Variants in NEGR1 observed in about 807,000 individuals in gnomAD.
The protein encoded by NEGR1 is neuronal growth regulator 1, also known as IgLON family member 4.
NEGR1 carries 10 observed loss-of-function variants against 40.9 expected under a neutral mutation model. The ratio of observed to expected loss-of-function variants is 0.24; its 90% CI spans 0.15 to 0.42. The LOEUF (loss-of-function observed/expected upper bound fraction) is 0.42. Among genes scored for constraint, NEGR1 ranks in the 10% least tolerant of loss-of-function variants. The probability of loss-of-function intolerance (pLI) is 1.00; values close to 1 mark genes in which losing one functional copy is unlikely to be tolerated. For missense variants in NEGR1, 352 were observed against 438.9 expected, an observed-to-expected ratio of 0.80 and a Z score of 1.77; for synonymous variants, 185 against 166.8, an observed-to-expected ratio of 1.11 and a Z score of -0.84.
intron 6 of NEGR1, among the ~76,000 whole-genome samples, chr1:71,459,047 T>A (rs947597798): frequency 3.3e-5 from 5 of 151,958 alleles, no homozygotes; most frequent in African/African-American, 9.7e-5. Flanking sequence ...ATAAATAAAA[T>A]AATAAAATAA....
At chr1:71,643,800 T>C (rs373030662) in intron 4 of NEGR1, among the ~76,000 whole-genome samples, 2 of 152,024 alleles carry the variant, frequency 1.3e-5, no homozygotes, top group Non-Finnish European at 2.9e-5. Flanking sequence ...CCTTCAAGAC[T>C]AGTATTTGAT....
chr1:71,950,367 A>C (rs1235998221), intron 1 of NEGR1, among the ~76,000 whole-genome samples: 3 of 152,068 alleles, frequency 2.0e-5, no homozygotes, highest in African/African-American at 4.8e-5. Context: ...TGGGAATTAT[A>C]AATTAGAGAA....
At chr1:72,033,933 A>G (rs1646880994) in intron 1 of NEGR1, among the ~76,000 whole-genome samples, 1 of 152,188 alleles carries the variant, frequency 6.6e-6, no homozygotes, top group Non-Finnish European at 1.5e-5. Flanking sequence ...TTACCCAGAA[A>G]CATTGGCCTG....
intron 3 of NEGR1, among the ~76,000 whole-genome samples, chr1:71,747,409 G>C (rs756350650): frequency 6.6e-5 from 10 of 151,446 alleles, no homozygotes; most frequent in Admixed American, 1.3e-4. Context: ...ATAGCCATGT[G>C]GTGAAAACTT....
chr1:72,008,095 T>C (rs1223703799), intron 1 of NEGR1, among the ~76,000 whole-genome samples: 1 of 152,146 alleles, frequency 6.6e-6, no homozygotes, highest in Non-Finnish European at 1.5e-5. Flanking sequence ...CAAGAACAAA[T>C]ATCACTTTTG....
intron 3 of NEGR1, among the ~76,000 whole-genome samples, chr1:71,756,320 A>G (rs981679681): frequency 6.6e-6 from 1 of 151,442 alleles, no homozygotes. Flanking sequence ...GGGCAACTGT[A>G]TACTGTGGAT....
intron 4 of NEGR1, among the ~76,000 whole-genome samples, chr1:71,671,386 G>C (rs904173081): frequency 6.6e-6 from 1 of 152,004 alleles, no homozygotes; most frequent in Non-Finnish European, 1.5e-5. Flanking sequence ...GTAAAATGAA[G>C]GAAACTGGCA....
intron 6 of NEGR1, among the ~76,000 whole-genome samples, chr1:71,429,695 C>T (rs1202635989): frequency 2.0e-5 from 3 of 152,156 alleles, no homozygotes; most frequent in Admixed American, 1.3e-4. Flanking sequence ...ACTATGGTTA[C>T]GGTTAAGAAG....
At chr1:72,255,890 G>A (rs776403769) in intron 1 of NEGR1, among the ~76,000 whole-genome samples, 1 of 152,154 alleles carries the variant, frequency 6.6e-6, no homozygotes, top group Non-Finnish European at 1.5e-5. Flanking sequence ...ACATGGAAAT[G>A]TAGAAAACAT....
intron 4 of NEGR1, among the ~76,000 whole-genome samples, chr1:71,671,627 G>A (rs2101600270): frequency 1.3e-5 from 2 of 152,140 alleles, no homozygotes; most frequent in Middle Eastern, 6.8e-3. Flanking sequence ...CTCCATCTTG[G>A]TCAGCCATCC....
At chr1:71,647,066 A>G (rs1178090052) in intron 4 of NEGR1, among the ~76,000 whole-genome samples, 3 of 151,850 alleles carry the variant, frequency 2.0e-5, no homozygotes, top group Non-Finnish European at 2.9e-5. Flanking sequence ...AGATATGCCA[A>G]TGGAATAGCT....
intron 1 of NEGR1, among the ~76,000 whole-genome samples, chr1:72,131,849 C>T (rs1650264843): frequency 6.6e-6 from 1 of 152,138 alleles, no homozygotes. Flanking sequence ...GTAATCCCAG[C>T]ACTTTGGGAG....
chr1:72,106,473 TAA>T (rs1557529392), intron 1 of NEGR1, among the ~76,000 whole-genome samples: 1 of 152,006 alleles, frequency 6.6e-6, no homozygotes, highest in African/African-American at 2.4e-5. Flanking sequence ...TCTCTTAGCT[TAA>T]GTTACTCATA....
chr1:71,442,541 A>G (rs1646555164), intron 6 of NEGR1, among the ~76,000 whole-genome samples: 1 of 152,158 alleles, frequency 6.6e-6, no homozygotes, highest in Admixed American at 6.5e-5. Flanking sequence ...CTGAACCTGG[A>G]TGGCGGAAAT....
At chr1:71,478,726 C>T (rs1461575908) in intron 6 of NEGR1, among the ~76,000 whole-genome samples, 1 of 151,980 alleles carries the variant, frequency 6.6e-6, no homozygotes, top group Non-Finnish European at 1.5e-5. Flanking sequence ...TCCCCTCTTG[C>T]TTTCCCCCAA....
At chr1:72,230,582 C>T (rs935429893) in intron 1 of NEGR1, among the ~76,000 whole-genome samples, 1 of 152,060 alleles carries the variant, frequency 6.6e-6, no homozygotes, top group African/African-American at 2.4e-5. Flanking sequence ...CTCAAATGTC[C>T]TTCTCAAATA....
intron 2 of NEGR1, among the ~76,000 whole-genome samples, chr1:71,854,618 A>C (rs1277722049): frequency 6.6e-6 from 1 of 152,066 alleles, no homozygotes; most frequent in Admixed American, 6.6e-5. Flanking sequence ...ATTGACCCAC[A>C]GTTCCACACT....
intron 2 of NEGR1, among the ~76,000 whole-genome samples, chr1:71,931,837 T>C (rs1012872557): frequency 1.3e-5 from 2 of 152,190 alleles, no homozygotes; most frequent in African/African-American, 4.8e-5. Context: ...AGTATTGTAA[T>C]AAGGAGCTCT....
At chr1:72,250,954 T>A (rs1373267301) in intron 1 of NEGR1, among the ~76,000 whole-genome samples, 1 of 152,226 alleles carries the variant, frequency 6.6e-6, no homozygotes, top group Non-Finnish European at 1.5e-5. Flanking sequence ...CTGCCCAGCA[T>A]GCTATCCATA....
Sources: gnomAD v4.1 joint callset for allele counts (sites outside exome capture counted in the v4.1 genomes callset) on GRCh38, gnomAD v4.1.1 for gene constraint, MANE v1.5 for transcripts, NCBI Gene and HGNC (gene_info 2026-07-23, HGNC 2026-07-21) for gene names.